Variants in STT3B observed in about 807,000 individuals in gnomAD.
STT3B encodes dolichyl-diphosphooligosaccharide--protein glycosyltransferase subunit STT3B.
A neutral mutation model predicts 96.8 loss-of-function variants in STT3B; 29 were observed. That is an observed-to-expected ratio of 0.30 (90% CI 0.22 to 0.41). The LOEUF (loss-of-function observed/expected upper bound fraction) is 0.41. Ranked by LOEUF, STT3B falls within the 10% of genes least tolerant of loss-of-function variation. The pLI, the probability that STT3B is intolerant of heterozygous loss-of-function variation, is 1.00. For missense variants in STT3B, 640 were observed against 1,022.3 expected (o/e 0.63, Z 5.10); for synonymous variants, 367 against 360.0 (o/e 1.02, Z -0.22).
chr3:31,621,130 G>A (rs1276050603), intron 9 of STT3B, among the ~76,000 whole-genome samples: 2 of 152,148 alleles, frequency 1.3e-5, no homozygotes, highest in African/African-American at 4.8e-5. Context: ...ATAAATTTTT[G>A]TATATCTGTA....
chr3:31,630,755 C>G (rs908246758), intron 14 of STT3B, among the ~76,000 whole-genome samples: 2 of 151,612 alleles, frequency 1.3e-5, no homozygotes, highest in East Asian at 3.9e-4. Context: ...GTGTTTGGAC[C>G]TCAATTTGTG....
intron 12 of STT3B, 34 bp from the exon 13 acceptor site, chr3:31,625,920 C>T (rs1699527569): frequency 6.5e-7 from 1 of 1,530,900 alleles, no homozygotes; most frequent in Admixed American, 2.1e-5. Context: ...TGGGAATAAT[C>T]AAAAACATTC....
intron 1 of STT3B, among the ~76,000 whole-genome samples, chr3:31,537,322 C>T (rs2125432915): frequency 6.6e-6 from 1 of 152,288 alleles, no homozygotes. Context: ...CTGTTGACCT[C>T]AGTTCTGAAG....
chr3:31,569,353 C>T (rs1430244411), intron 1 of STT3B, among the ~76,000 whole-genome samples: 1 of 152,044 alleles, frequency 6.6e-6, no homozygotes, highest in Non-Finnish European at 1.5e-5. Flanking sequence ...AAAAACATAA[C>T]CATTTTTTTC....
intron 6 of STT3B, among the ~76,000 whole-genome samples, 172 bp from the exon 7 acceptor site, chr3:31,616,757 T>C (rs1699315254): frequency 6.6e-6 from 1 of 151,886 alleles, no homozygotes; most frequent in African/African-American, 2.4e-5. Context: ...CAGAATTTTT[T>C]GGATGTATTA....
intron 13 of STT3B, among the ~76,000 whole-genome samples, chr3:31,626,753 T>C (rs1186510500): frequency 6.6e-6 from 1 of 152,184 alleles, no homozygotes; most frequent in East Asian, 1.9e-4. Flanking sequence ...TATAGTGCCG[T>C]TTAATGAGAA....
intron 5 of STT3B, among the ~76,000 whole-genome samples, chr3:31,608,805 T>C (rs1179352769): frequency 6.6e-6 from 1 of 152,224 alleles, no homozygotes; most frequent in African/African-American, 2.4e-5. Flanking sequence ...CCTACTACAG[T>C]AGTAGTCGAC....
At chr3:31,568,848 CCTT>C (rs1191444424) in intron 1 of STT3B, among the ~76,000 whole-genome samples, 1 of 152,116 alleles carries the variant, frequency 6.6e-6, no homozygotes, top group Non-Finnish European at 1.5e-5. Context: ...AAAGGCAGCT[CCTT>C]GTGACTTCCC....
In STT3B at chr3:31,636,069, A is replaced by G; in HGVS notation, c.*5A>G. ...ATATCTAAGAAGACTGTTTAAATGC[A>G]CTGTTCTGGTTCCTAACTTGAAGCA... is the stretch of plus-strand genomic sequence containing the variant. On this transcript the variant is annotated 3_prime_UTR_variant, in exon 16 of 16. Coordinates refer to ENST00000295770, the MANE Select transcript of STT3B (RefSeq NM_178862.3). 6.2e-7 allele frequency: 1 copy of G among 1,600,694 alleles called. No individual in the cohort carries two copies. Among genetic ancestry groups the G allele is most frequent in the Non-Finnish European group, 8.5e-7 (1 of 1,173,074 alleles).
intron 2 of STT3B, 114 bp from the exon 3 acceptor site, chr3:31,579,695 T>A: frequency 1.2e-6 from 1 of 810,988 alleles, no homozygotes; most frequent in South Asian, 2.3e-5. Flanking sequence ...TGTTTTGAGA[T>A]GTTGCTTTCA....
chr3:31,579,190 A>G (rs985500565), intron 2 of STT3B, among the ~76,000 whole-genome samples: 10 of 152,022 alleles, frequency 6.6e-5, no homozygotes, highest in Non-Finnish European at 5.9e-5. Context: ...TTTATGTGGT[A>G]TAAAAAATTT....
At chr3:31,613,724 A>T (rs150280798) in intron 5 of STT3B, among the ~76,000 whole-genome samples, 231 of 151,618 alleles carry the variant, frequency 1.5e-3, no homozygotes, top group Non-Finnish European at 2.5e-3. Context: ...GGGCTTCAAC[A>T]GGCTGATTTG....
At chr3:31,601,701 G>A (rs767624845) in intron 5 of STT3B, among the ~76,000 whole-genome samples, 14 of 151,950 alleles carry the variant, frequency 9.2e-5, no homozygotes, top group Admixed American at 1.3e-4. Context: ...AGTGATGGTC[G>A]CACAACCTTG....
chr3:31,614,064 C>T (rs1316988162), intron 5 of STT3B, among the ~76,000 whole-genome samples: 3 of 151,930 alleles, frequency 2.0e-5, no homozygotes, highest in East Asian at 1.9e-4. Flanking sequence ...ACTTCCTTCT[C>T]TAGATGGATT....
Position 31,629,345 on chromosome 3 carries a change from A to T in STT3B, c.2121A>T (p.Ala707=), listed in dbSNP as rs748877239. ...TPQGEFRVDK[A]GSPTLLNCLM... is the part of the protein sequence containing the mutation. Reference sequence around the variant, plus strand: ...AGGGAGAATTCCGTGTAGACAAAGCAGGATCCCCTACTTTGTTGAATTGCC... The same window carrying T: ...AGGGAGAATTCCGTGTAGACAAAGCTGGATCCCCTACTTTGTTGAATTGCC... The change falls in exon 14 of 16, where the codon GCA becomes GCT. Residue 707 remains alanine, a synonymous_variant. Coordinates refer to ENST00000295770, the MANE Select transcript of STT3B (RefSeq NM_178862.3). The T allele has an allele frequency of 6.2e-7, 1 of 1,611,318 alleles. No homozygotes were observed. The highest frequency in any genetic ancestry group is 8.5e-7 in the Non-Finnish European group (1 of 1,178,544).
intron 7 of STT3B, 111 bp downstream of exon 7, chr3:31,617,186 CTTTTTTT>C (rs5847707): frequency 4.0e-6 from 2 of 494,862 alleles, no homozygotes; most frequent in Non-Finnish European, 6.2e-6. Flanking sequence ...TGATTTTTTT[CTTTTTTT>C]TTTTTTTTGA....
intron 13 of STT3B, among the ~76,000 whole-genome samples, chr3:31,627,469 T>C (rs1007602802): frequency 7.2e-5 from 11 of 152,214 alleles, no homozygotes; most frequent in African/African-American, 2.7e-4. Context: ...TTGTATTAGA[T>C]TGTGTCTTAC....
chr3:31,533,430 C>A (rs890211728), intron 1 of STT3B, 118 bp downstream of exon 1: 2 of 1,241,218 alleles, frequency 1.6e-6, no homozygotes, highest in South Asian at 2.5e-5. Flanking sequence ...CCGCTCGCGT[C>A]CTGGCTGAGG....
At position 31,636,614 on chromosome 3, in the gene STT3B, T is replaced by C. The variant is rs1248702522; in HGVS notation, c.*550T>C. The C allele has an allele frequency of 6.6e-6, 1 of 152,208 alleles. No homozygotes were observed. Among genetic ancestry groups the C allele is most frequent in the Non-Finnish European group, 1.5e-5 (1 of 68,034 alleles). 9.4% of individuals were successfully genotyped at this position (152,208 alleles called of 1,614,324 possible). On this transcript the variant is annotated 3_prime_UTR_variant, in exon 16 of 16. Transcript: ENST00000295770. ...AAAGAATGTTTCATCAAATGTATAT[T>C]TTCTGTTGCTTACTGTTTGCTCTGA...
Sources: allele counts gnomAD v4.1 joint callset (sites outside exome capture counted in the v4.1 genomes callset), GRCh38; gene constraint gnomAD v4.1.1; transcripts MANE v1.5; gene names NCBI Gene and HGNC (gene_info 2026-07-23, HGNC 2026-07-21).